AGPAT3: variants seen among roughly 807,000 people sequenced by gnomAD.
The protein encoded by AGPAT3 is 1-acyl-sn-glycerol-3-phosphate acyltransferase gamma.
A neutral mutation model predicts 47.3 loss-of-function variants in AGPAT3; 5 were observed. That is an observed-to-expected ratio of 0.11 (90% CI 0.06 to 0.22). The LOEUF (loss-of-function observed/expected upper bound fraction) is 0.22, where lower values mean the gene tolerates loss of function less well. AGPAT3 is among the 10% of genes least tolerant of loss of function. The pLI is 1.00. For synonymous variants in AGPAT3, 212 were observed against 208.3 expected (o/e 1.02, Z -0.15); for missense variants, 315 against 493.0 (o/e 0.64, Z 3.42).
At chr21:43,909,592 G>A (rs555410847) in intron 2 of AGPAT3, among the ~76,000 whole-genome samples, 208 of 152,334 alleles carry the variant, frequency 1.4e-3, no homozygotes, top group Non-Finnish European at 1.2e-3. Flanking sequence ...CACTGTACCC[G>A]GCCTTTTCAT....
chr21:43,962,282 G>T (rs555713005), intron 3 of AGPAT3, among the ~76,000 whole-genome samples: 1 of 152,200 alleles, frequency 6.6e-6, no homozygotes, highest in Admixed American at 6.5e-5. Context: ...GATTACAGGC[G>T]TGAGCCACCG....
chr21:43,924,518 T>G (rs558554275), intron 2 of AGPAT3, among the ~76,000 whole-genome samples: 1 of 152,330 alleles, frequency 6.6e-6, no homozygotes, highest in Admixed American at 6.5e-5. Context: ...AGGCTCTGCC[T>G]TTGCAAGCAC....
intron 1 of AGPAT3, among the ~76,000 whole-genome samples, chr21:43,881,695 GC>G (rs2085856652): frequency 1.3e-5 from 2 of 152,008 alleles, no homozygotes; most frequent in African/African-American, 4.8e-5. Flanking sequence ...TTGCTCTGTC[GC>G]CCAGGCTGGA....
rs1024863082 is a variant in AGPAT3, at chr21:43,955,590, G to A, written c.-48-4044G>A. On this transcript the variant is annotated intron_variant, in intron 2 of 9. Transcript: ENST00000291572. This position sits in a 1 kb window ranked among gnomAD's most constrained non-coding sequence, Gnocchi z 4.1. Reference sequence around the variant, plus strand: ...ATTACAGGTGTGAGCCACCGCGCCCGGCTGAGAATCTGATTTTTAAAAATA... The same window carrying A: ...ATTACAGGTGTGAGCCACCGCGCCCAGCTGAGAATCTGATTTTTAAAAATA... Among the ~76,000 whole-genome samples, 6 of 151,912 alleles carry A rather than the reference G, an allele frequency of 3.9e-5. No homozygotes were observed. Among genetic ancestry groups the A allele is most frequent in the Middle Eastern group, 3.4e-3 (1 of 294 alleles).
intron 8 of AGPAT3, among the ~76,000 whole-genome samples, chr21:43,978,831 T>G (rs1349808824): frequency 1.3e-5 from 2 of 152,242 alleles, no homozygotes; most frequent in East Asian, 3.8e-4. Flanking sequence ...CAGTTCTTAT[T>G]TCTTTCCCCC....
chr21:43,971,280 G>A (rs918253366), intron 6 of AGPAT3, 108 bp from the exon 7 acceptor site: 10 of 905,218 alleles, frequency 1.1e-5, no homozygotes, highest in East Asian at 2.4e-5. Context: ...CCCCTCACGC[G>A]TTCTCCCCAG....
In AGPAT3 at chr21:43,908,568, AG is replaced by A. The variant is rs941807928; in HGVS notation, c.-49+4554del. Among the ~76,000 whole-genome samples, 23 of 152,310 alleles carry A rather than the reference AG, an allele frequency of 1.5e-4. No individual in the cohort carries two copies. The highest frequency in any genetic ancestry group is 5.1e-4 in the African/African-American group (21 of 41,568). On this transcript the variant is annotated intron_variant, in intron 2 of 9. Transcript: ENST00000291572. This position sits in a 1 kb window ranked among gnomAD's most constrained non-coding sequence, Gnocchi z 4.9. ...TAGACAGAAGGTGAGGGCATGGGGT[AG>A]GGGGAGTGGAGCCGTGGGTGCGGCA...
intron 2 of AGPAT3, among the ~76,000 whole-genome samples, chr21:43,929,456 C>T (rs929845698): frequency 1.1e-4 from 16 of 152,350 alleles, no homozygotes; most frequent in African/African-American, 3.4e-4. Context: ...CAGGAGCCTT[C>T]CCACGGTGGG....
chr21:43,943,276 G>A (rs975821038), intron 2 of AGPAT3, among the ~76,000 whole-genome samples: 1 of 152,066 alleles, frequency 6.6e-6, no homozygotes, highest in African/African-American at 2.4e-5. Context: ...GGGTTTCACC[G>A]TGTTAGCCAG....
Position 43,971,416 on chromosome 21 carries a change from C to T in AGPAT3, c.693C>T (p.Asn231=). 2 of 1,614,232 alleles carry T rather than the reference C, an allele frequency of 1.2e-6. No individual in the cohort carries two copies. The highest frequency in any genetic ancestry group is 1.7e-6 in the Non-Finnish European group (2 of 1,180,032). ...TVAAVYDVTL[N]FRGNKNPSLL... ...CAGCTGTCTATGATGTAACCCTGAA[C>T]TTCAGAGGAAACAAGAACCCGTCCC... Residue 231 remains asparagine, a synonymous_variant, in exon 7 of 10, where the codon AAC becomes AAT. Transcript: ENST00000291572.
rs2089200687 is a variant in AGPAT3, at chr21:43,967,747, C to T, written c.179-199C>T. The T allele has an allele frequency of 1.4e-4, 80 of 569,280 alleles. No individual in the cohort carries two copies. In the South Asian group the frequency reaches 1.8e-3, roughly 12 times the overall value. The allele number at this position is 569,280 out of a possible 1,614,324, so 35.3% of individuals were successfully genotyped here. On this transcript the variant is annotated intron_variant, in intron 3 of 9. Transcript: ENST00000291572. ...TTCTCTCCCTTTCTGCTGCTACCTT[C>T]CATCTGTCTCCTCCCAACTGTTGCT...
intron 8 of AGPAT3, among the ~76,000 whole-genome samples, chr21:43,979,461 G>A (rs957542330): frequency 4.6e-5 from 7 of 152,072 alleles, no homozygotes; most frequent in East Asian, 1.9e-4. Flanking sequence ...CTGAAGTCTC[G>A]TGCTGTGATG....
At chr21:43,910,880 G>A (rs1266002699) in intron 2 of AGPAT3, among the ~76,000 whole-genome samples, 1 of 152,048 alleles carries the variant, frequency 6.6e-6, no homozygotes, top group African/African-American at 2.4e-5. Context: ...AGGTTAAGGC[G>A]CACAAGTTAA....
At position 43,942,442 on chromosome 21, in the gene AGPAT3, G is replaced by A. The variant is rs115903713; in HGVS notation, c.-48-17192G>A. On this transcript the variant is annotated intron_variant, in intron 2 of 9. Transcript: ENST00000291572. ...AAGCACCTCTGCCTACCCTGCATTC[G>A]CCACACGTGCCCAGGTACCTGGCGA... 4.8e-3 allele frequency among the ~76,000 whole-genome samples: 731 copies of A among 152,236 alleles called. 3 individuals carry two copies. The highest frequency in any genetic ancestry group is 0.016 in the African/African-American group (681 of 41,548).
At chr21:43,927,245 C>T (rs575659942) in intron 2 of AGPAT3, among the ~76,000 whole-genome samples, 11 of 152,212 alleles carry the variant, frequency 7.2e-5, no homozygotes, top group African/African-American at 2.2e-4. Flanking sequence ...CATTAATTTA[C>T]AAAATCTTGT....
chr21:43,953,246 C>T (rs899820188), intron 2 of AGPAT3, among the ~76,000 whole-genome samples: 3 of 152,212 alleles, frequency 2.0e-5, no homozygotes, highest in Admixed American at 1.3e-4. Flanking sequence ...GTGTCCTCCA[C>T]GGGGCCCTGC....
At chr21:43,906,093 T>C (rs2086487061) in intron 2 of AGPAT3, among the ~76,000 whole-genome samples, 1 of 152,208 alleles carries the variant, frequency 6.6e-6, no homozygotes, top group Non-Finnish European at 1.5e-5. Context: ...ATCACGGTTC[T>C]GTAATAACTG....
chr21:43,967,174 C>T (rs2089166515), intron 3 of AGPAT3: 1 of 152,334 alleles, frequency 6.6e-6, no homozygotes, highest in South Asian at 2.1e-4. Context: ...AGCCCCTCCA[C>T]ACTTCTGGGA....
chr21:43,942,325 G>A (rs1033745575), intron 2 of AGPAT3, among the ~76,000 whole-genome samples: 21 of 152,182 alleles, frequency 1.4e-4, no homozygotes, highest in African/African-American at 3.9e-4. Flanking sequence ...ACGGGTCCAG[G>A]GAGGCCTCGC....
Sources: gnomAD v4.1 joint callset for allele counts (sites outside exome capture counted in the v4.1 genomes callset) on GRCh38, gnomAD v4.1.1 for gene constraint, Gnocchi (gnomAD v3.1) non-coding constraint, MANE v1.5 for transcripts, NCBI Gene and HGNC (gene_info 2026-07-23, HGNC 2026-07-21) for gene names.